SLC15A1: variants seen among roughly 807,000 people sequenced by gnomAD.
SLC15A1 encodes the protein Caco-2 oligopeptide transporter.
SLC15A1 carries 83 observed loss-of-function variants against 92.9 expected under a neutral mutation model. That is an observed-to-expected ratio of 0.89 (90% CI 0.75 to 1.07). The LOEUF is 1.07. Ranked by LOEUF, SLC15A1 falls within the 50% of genes least tolerant of loss-of-function variation. SLC15A1 has a pLI of 0.00. For missense variants in SLC15A1, 857 were observed against 880.1 expected (o/e 0.97, Z 0.33); for synonymous variants, 322 against 318.2 (o/e 1.01, Z -0.13).
chr13:98,734,457 C>T (rs767149593), intron 1 of SLC15A1, among the ~76,000 whole-genome samples: 1 of 152,054 alleles, frequency 6.6e-6, no homozygotes, highest in African/African-American at 2.4e-5. Context: ...CCACGGAGGG[C>T]AAGCTGAAGC....
intron 17 of SLC15A1, 121 bp from the exon 18 acceptor site, chr13:98,702,650 T>C (rs1317605702): frequency 1.5e-5 from 12 of 810,314 alleles, no homozygotes; most frequent in Middle Eastern, 6.8e-4. Context: ...CCTAAGGACA[T>C]GGTTACATTA....
intron 9 of SLC15A1, among the ~76,000 whole-genome samples, chr13:98,714,096 A>G (rs2088192040): frequency 6.6e-6 from 1 of 151,676 alleles, no homozygotes; most frequent in Non-Finnish European, 1.5e-5. Context: ...TCAAAGCTAC[A>G]GGCTGACTTT....
At chr13:98,738,228 AT>A (rs200507842) in intron 1 of SLC15A1, among the ~76,000 whole-genome samples, 1,584 of 152,356 alleles carry the variant, frequency 0.01, 32 homozygotes, top group African/African-American at 0.036. Context: ...AGTTGGGAAA[AT>A]TTATAGCCTG....
chr13:98,685,930 G>A (rs576116222), intron 22 of SLC15A1, among the ~76,000 whole-genome samples: 1 of 151,150 alleles, frequency 6.6e-6, no homozygotes, highest in Non-Finnish European at 1.5e-5. Context: ...AGGTTGCAGT[G>A]AGCCAAGATT....
chr13:98,721,057 A>G (rs1306656109), intron 7 of SLC15A1: 2 of 456,012 alleles, frequency 4.4e-6, no homozygotes, highest in Non-Finnish European at 9.0e-6. Flanking sequence ...TTCTAAAAAC[A>G]AAACAAAACA....
intron 18 of SLC15A1, among the ~76,000 whole-genome samples, chr13:98,689,178 G>C (rs776118975): frequency 6.6e-6 from 1 of 152,172 alleles, no homozygotes; most frequent in Non-Finnish European, 1.5e-5. Context: ...GACCTCAGAC[G>C]ATCTGCCCAC....
intron 18 of SLC15A1, among the ~76,000 whole-genome samples, chr13:98,692,118 C>T (rs2139563772): frequency 6.8e-6 from 1 of 145,996 alleles, no homozygotes; most frequent in South Asian, 2.2e-4. Context: ...ATGAGGAGTC[C>T]CCCTCTCTTC....
At chr13:98,709,961 A>G in intron 11 of SLC15A1, 50 bp from the exon 12 acceptor site, 1 of 1,579,530 alleles carries the variant, frequency 6.3e-7, no homozygotes, top group Non-Finnish European at 8.7e-7. Flanking sequence ...GGGTTTTTAA[A>G]ATTTTACAAG....
chr13:98,725,595 T>C (rs1170526745), intron 4 of SLC15A1, among the ~76,000 whole-genome samples: 1 of 152,188 alleles, frequency 6.6e-6, no homozygotes, highest in African/African-American at 2.4e-5. Flanking sequence ...CTACATTTGT[T>C]TGCATTAGGG....
rs545580162 is a variant in SLC15A1, at chr13:98,706,886, A to G, written c.1150-633T>C. Among the ~76,000 whole-genome samples the G allele has an allele frequency of 5.3e-5, 8 of 152,286 alleles. No individual in the cohort carries two copies. In the East Asian group the frequency reaches 1.5e-3, roughly 29 times the overall value. On this transcript the variant is annotated intron_variant, in intron 15 of 22. Transcript: ENST00000376503. ...TCAAGGGCTGCCAAGATACGAAGCC[A>G]AATATCTGATGGCTCTGAGTCACTA...
intron 1 of SLC15A1, among the ~76,000 whole-genome samples, chr13:98,744,067 C>T (rs2088472038): frequency 6.6e-6 from 1 of 151,890 alleles, no homozygotes; most frequent in Admixed American, 6.6e-5. Flanking sequence ...TGGCAAGACC[C>T]CACCTCTACA....
At chr13:98,699,364 G>GC (rs2139570339) in intron 18 of SLC15A1, among the ~76,000 whole-genome samples, 1 of 152,274 alleles carries the variant, frequency 6.6e-6, no homozygotes, top group South Asian at 2.1e-4. Context: ...GGTGGGACCA[G>GC]CCCCTCCCCA....
intron 1 of SLC15A1, among the ~76,000 whole-genome samples, chr13:98,728,332 C>T (rs1023615729): frequency 6.6e-6 from 1 of 151,968 alleles, no homozygotes; most frequent in African/African-American, 2.4e-5. Flanking sequence ...CTTTTCGAGG[C>T]CTTTTGTTGT....
At chr13:98,748,623 C>G (rs1469663787) in intron 1 of SLC15A1, among the ~76,000 whole-genome samples, 1 of 152,164 alleles carries the variant, frequency 6.6e-6, no homozygotes, top group African/African-American at 2.4e-5. Flanking sequence ...CACCGGCAGA[C>G]TAATTCTCAA....
intron 18 of SLC15A1, among the ~76,000 whole-genome samples, chr13:98,689,463 A>C (rs1201228006): frequency 1.3e-5 from 2 of 152,074 alleles, no homozygotes; most frequent in African/African-American, 4.8e-5. Context: ...AGTCTTTTTT[A>C]GAGATGAGGT....
At chr13:98,714,547 T>C (rs772622706) in intron 9 of SLC15A1, among the ~76,000 whole-genome samples, 2 of 147,322 alleles carry the variant, frequency 1.4e-5, no homozygotes, top group Non-Finnish European at 3.0e-5. Context: ...CCCAGCTACT[T>C]GGTAGGCCGA....
rs543439500 is a variant in SLC15A1 at position 98,730,179 on chromosome 13, G to A, written c.5-3320C>T. On this transcript the variant is annotated intron_variant, in intron 1 of 22. Transcript: ENST00000376503. Reference sequence around the variant, plus strand: ...CCACTGCACTCCAGCCTGGGCAACTGAGCGAGACTCCGTCTCAAAAAAGAA... The same window carrying A: ...CCACTGCACTCCAGCCTGGGCAACTAAGCGAGACTCCGTCTCAAAAAAGAA... 1.1e-3 allele frequency among the ~76,000 whole-genome samples: 167 copies of A among 147,036 alleles called. 1 individual carries two copies. Among genetic ancestry groups the A allele is most frequent in the Non-Finnish European group, 1.9e-3 (126 of 67,126 alleles).
chr13:98,687,805 C>A, intron 20 of SLC15A1, 81 bp from the exon 21 acceptor site: 2 of 1,506,508 alleles, frequency 1.3e-6, no homozygotes, highest in Non-Finnish European at 9.1e-7. Context: ...TTGAGTTTGA[C>A]CTTCTAGGAT....
At chr13:98,739,464 G>C (rs1198281406) in intron 1 of SLC15A1, among the ~76,000 whole-genome samples, 1 of 152,164 alleles carries the variant, frequency 6.6e-6, no homozygotes, top group Non-Finnish European at 1.5e-5. Flanking sequence ...GGATCATGGG[G>C]ACAGTTTCTC....
Sources: allele counts gnomAD v4.1 joint callset (sites outside exome capture counted in the v4.1 genomes callset), GRCh38; gene constraint gnomAD v4.1.1; transcripts MANE v1.5; gene names NCBI Gene and HGNC (gene_info 2026-07-23, HGNC 2026-07-21).